P3H2: variants seen among roughly 807,000 people sequenced by gnomAD.
P3H2 encodes prolyl 3-hydroxylase 2, also known as leprecan-like 1.
A neutral mutation model predicts 87.0 loss-of-function variants in P3H2; 80 were observed. The observed-to-expected ratio is 0.92, with a 90% CI of 0.77 to 1.11. The LOEUF is 1.11. P3H2 is among the 50% of genes least tolerant of loss of function. P3H2 has a pLI of 0.00. For missense variants in P3H2, 1,001 were observed against 923.9 expected, an observed-to-expected ratio of 1.08 and a Z score of -1.08; for synonymous variants, 367 against 359.3, an observed-to-expected ratio of 1.02 and a Z score of -0.24.
In P3H2 at chr3:189,984,486, G is replaced by A. The variant is rs571558896; in HGVS notation, c.1229+64C>T. ...ATTTCATAGAGCTACATTTCTCTAT[G>A]ATAGGTTATGACACTAAGTATTTCT... On this transcript the variant is annotated intron_variant, in intron 7 of 14. Coordinates refer to ENST00000319332, the MANE Select transcript of P3H2 (RefSeq NM_018192.4). The A allele has an allele frequency of 2.7e-5, 31 of 1,145,388 alleles. No homozygotes were observed. In the East Asian group the frequency reaches 7.1e-4, roughly 26 times the overall value. 71.0% of individuals were successfully genotyped at this position (1,145,388 alleles called of 1,614,324 possible). A position where few individuals can be genotyped will look rare whatever the true frequency, so the allele number is the denominator to read the frequency against.
intron 1 of P3H2, among the ~76,000 whole-genome samples, chr3:190,078,766 A>G (rs1352485443): frequency 2.0e-5 from 3 of 152,084 alleles, no homozygotes; most frequent in African/African-American, 7.2e-5. Context: ...TTTGTTTTTT[A>G]TTTATTCTTT....
At chr3:190,022,812 G>A (rs1300682424) in intron 1 of P3H2, among the ~76,000 whole-genome samples, 1 of 151,744 alleles carries the variant, frequency 6.6e-6, no homozygotes, top group Non-Finnish European at 1.5e-5. Context: ...TCCAATACAG[G>A]GCAAAAAATA....
intron 1 of P3H2, among the ~76,000 whole-genome samples, chr3:190,090,621 T>A (rs990071059): frequency 1.3e-5 from 2 of 151,854 alleles, no homozygotes; most frequent in Middle Eastern, 3.4e-3. Context: ...GAGAATGGTG[T>A]GAAGCTGGGA....
intron 1 of P3H2, among the ~76,000 whole-genome samples, chr3:190,027,665 T>G (rs1277876341): frequency 1.3e-5 from 2 of 151,650 alleles, no homozygotes; most frequent in Non-Finnish European, 2.9e-5. Context: ...CTGCAATTAC[T>G]TTTGCACCAA....
At chr3:189,996,932 A>G (rs1214957521) in intron 1 of P3H2, among the ~76,000 whole-genome samples, 1 of 152,238 alleles carries the variant, frequency 6.6e-6, no homozygotes, top group African/African-American at 2.4e-5. Context: ...GACACTGCCA[A>G]CTGTCTCCTA....
chr3:190,084,470 G>A (rs1577315536), intron 1 of P3H2, among the ~76,000 whole-genome samples: 1 of 152,228 alleles, frequency 6.6e-6, no homozygotes, highest in Non-Finnish European at 1.5e-5. Context: ...TTTAGTCTTA[G>A]CTCACGTTAC....
intron 1 of P3H2, among the ~76,000 whole-genome samples, chr3:190,100,177 T>A (rs1254495426): frequency 6.6e-6 from 1 of 150,880 alleles, no homozygotes; most frequent in Non-Finnish European, 1.5e-5. Flanking sequence ...GAGGTTGCAG[T>A]GAGCCAAGAT....
In P3H2 at chr3:190,034,543, T is replaced by C. The variant is rs142879230; in HGVS notation, c.481-39101A>G. Reference sequence around the variant, plus strand: ...AAGCCAGAAACAAAATGATTCATATTGTTTGATCCCATTAATAGACTTTTG... The same window carrying C: ...AAGCCAGAAACAAAATGATTCATATCGTTTGATCCCATTAATAGACTTTTG... On this transcript the variant is annotated intron_variant, in intron 1 of 14. Transcript: ENST00000319332. Among the ~76,000 whole-genome samples the C allele has an allele frequency of 4.0e-3, 608 of 152,336 alleles. 1 individual carries two copies. The highest frequency in any genetic ancestry group is 7.4e-3 in the Non-Finnish European group (502 of 68,034).
At position 189,985,672 on chromosome 3, in the gene P3H2, C is replaced by A. The variant is rs9878998; in HGVS notation, c.1189-1082G>T. Among the ~76,000 whole-genome samples the A allele has an allele frequency of 8.0e-3, 1,209 of 150,778 alleles. 14 individuals carry two copies. The highest frequency in any genetic ancestry group is 0.028 in the African/African-American group (1,173 of 41,320). On this transcript the variant is annotated intron_variant, in intron 6 of 14. Coordinates refer to ENST00000319332, the MANE Select transcript of P3H2 (RefSeq NM_018192.4). ...TTCTCTTAGAAAAGCAATTTAGTTT[C>A]AAGAAGTTTAAAACCTTATATCCTT...
At chr3:189,981,237 G>T (rs1193344710) in intron 8 of P3H2, among the ~76,000 whole-genome samples, 2 of 152,224 alleles carry the variant, frequency 1.3e-5, no homozygotes. Flanking sequence ...GCTGGTCAAT[G>T]AGGGGTTGGT....
chr3:190,003,231 A>C (rs1489764197), intron 1 of P3H2, among the ~76,000 whole-genome samples: 2 of 151,914 alleles, frequency 1.3e-5, no homozygotes, highest in Non-Finnish European at 2.9e-5. Context: ...TGATTAATAG[A>C]CTCCTGCTTT....
intron 1 of P3H2, among the ~76,000 whole-genome samples, chr3:190,036,506 G>A (rs3099616): frequency 0.81 from 122,353 of 151,970 alleles, 49,301 homozygotes; most frequent in East Asian, 0.86. Context: ...CATTCTTAAC[G>A]TAATCTTGTG....
chr3:190,066,764 G>A (rs375501109), intron 1 of P3H2, among the ~76,000 whole-genome samples: 17 of 151,986 alleles, frequency 1.1e-4, no homozygotes, highest in Non-Finnish European at 2.1e-4. Flanking sequence ...TATGTCATTC[G>A]TCAACAATCA....
rs939811956 is a variant in P3H2, at chr3:189,969,836, G to A, written c.1893+980C>T. 1.0e-5 allele frequency: 16 copies of A among 1,555,602 alleles called. No individual in the cohort carries two copies. In the South Asian group the frequency reaches 1.4e-4, roughly 14 times the overall value. On this transcript the variant is annotated intron_variant, in intron 13 of 14. Transcript: ENST00000319332. Reference sequence around the variant, plus strand: ...TCCACCAATTATTCCAATCTTCATGGCAGTGGTGGTGGTGCTTGAGGCCAT... The same window carrying A: ...TCCACCAATTATTCCAATCTTCATGACAGTGGTGGTGGTGCTTGAGGCCAT...
chr3:190,058,531 A>T (rs1034677049), intron 1 of P3H2, among the ~76,000 whole-genome samples: 8 of 152,206 alleles, frequency 5.3e-5, no homozygotes, highest in Non-Finnish European at 1.0e-4. Context: ...CAACTTGGTA[A>T]CAGAATGGGA....
At chr3:189,983,201 A>T (rs1368073110) in intron 7 of P3H2, 61 bp from the exon 8 acceptor site, 13 of 1,247,010 alleles carry the variant, frequency 1.0e-5, no homozygotes, top group Non-Finnish European at 9.4e-6. Flanking sequence ...TCAAAGGCAA[A>T]GAATACTTTA....
rs1268841148 is a variant in P3H2 at position 190,095,206 on chromosome 3, C to T, written c.480+25046G>A. Reference sequence around the variant, plus strand: ...TATGTTCATTTTACAGATGACAAAACCGAGTCTTACAGACATTAAATATCT... The same window carrying T: ...TATGTTCATTTTACAGATGACAAAATCGAGTCTTACAGACATTAAATATCT... On this transcript the variant is annotated intron_variant, in intron 1 of 14. Coordinates refer to ENST00000319332, the MANE Select transcript of P3H2 (RefSeq NM_018192.4). Among the ~76,000 whole-genome samples, 7 of 149,652 alleles carry T rather than the reference C, an allele frequency of 4.7e-5. No individual in the cohort carries two copies. The South Asian group carries it at 1.3e-3, about 27-fold the overall frequency.
intron 1 of P3H2, among the ~76,000 whole-genome samples, chr3:190,113,803 C>T (rs1441431224): frequency 1.3e-5 from 2 of 152,110 alleles, no homozygotes; most frequent in African/African-American, 2.4e-5. Flanking sequence ...GGAGGCCGGG[C>T]GCAGTGGCTC....
intron 1 of P3H2, among the ~76,000 whole-genome samples, chr3:190,104,705 T>G (rs1380626886): frequency 6.6e-6 from 1 of 152,202 alleles, no homozygotes; most frequent in Non-Finnish European, 1.5e-5. Flanking sequence ...ACGGATGTCC[T>G]GATCAGTTGT....
Sources: gnomAD v4.1 joint callset for allele counts (sites outside exome capture counted in the v4.1 genomes callset) on GRCh38, gnomAD v4.1.1 for gene constraint, MANE v1.5 for transcripts, NCBI Gene and HGNC (gene_info 2026-07-23, HGNC 2026-07-21) for gene names.